Variants in SHROOM3 observed in about 807,000 individuals in gnomAD.
The protein encoded by SHROOM3 is protein Shroom3.
SHROOM3 carries 47 observed loss-of-function variants against 138.6 expected under a neutral mutation model. The observed-to-expected ratio is 0.34, with a 90% CI of 0.27 to 0.43. The LOEUF (loss-of-function observed/expected upper bound fraction) is 0.43, where lower values mean the gene tolerates loss of function less well. SHROOM3 is among the 20% of genes least tolerant of loss of function. The probability of loss-of-function intolerance (pLI) is 1.00; values close to 1 mark genes in which losing one functional copy is unlikely to be tolerated. For missense variants in SHROOM3, 2,491 were observed against 2,596.5 expected (o/e 0.96, Z 0.88); for synonymous variants, 1,062 against 1,063.3 (o/e 1.00, Z 0.02).
chr4:76,645,369 C>T lies in SHROOM3; in HGVS notation c.324-64787C>T, dbSNP rs544225427. On this transcript the variant is annotated intron_variant, in intron 2 of 10. Transcript: ENST00000296043. ...TCCCCAGAGGATGCCTCCTAGGACTCGAACCTCATTTAGTGTCTCTACTGC... is the reference window on the plus strand; with the variant it reads ...TCCCCAGAGGATGCCTCCTAGGACTTGAACCTCATTTAGTGTCTCTACTGC... 9.9e-5 allele frequency: 15 copies of T among 152,276 alleles called. No individual in the cohort carries two copies. In the East Asian group the frequency reaches 1.4e-3, roughly 14 times the overall value. 9.4% of individuals were successfully genotyped at this position (152,276 alleles called of 1,614,324 possible). A position where few individuals can be genotyped will look rare whatever the true frequency, so the allele number is the denominator to read the frequency against.
chr4:76,447,634 T>A (rs1471652005), intron 1 of SHROOM3, among the ~76,000 whole-genome samples: 5 of 152,218 alleles, frequency 3.3e-5, no homozygotes, highest in African/African-American at 1.2e-4. Flanking sequence ...CTTTTGCTTT[T>A]GTTTATTTTT....
intron 2 of SHROOM3, chr4:76,688,647 C>T: frequency 6.1e-6 from 6 of 985,426 alleles, no homozygotes; most frequent in Non-Finnish European, 7.2e-6. Context: ...AAAGATGAAA[C>T]TTAAACTAGC....
intron 1 of SHROOM3, among the ~76,000 whole-genome samples, chr4:76,535,069 A>G (rs918441503): frequency 6.6e-6 from 1 of 152,182 alleles, no homozygotes; most frequent in Non-Finnish European, 1.5e-5. Flanking sequence ...CTGAACACAC[A>G]TAGCACTTCC....
intron 1 of SHROOM3, among the ~76,000 whole-genome samples, chr4:76,517,361 T>C (rs1732464641): frequency 6.6e-6 from 1 of 152,034 alleles, no homozygotes. Context: ...GCTCACTTCC[T>C]CCCTATCCCA....
chr4:76,527,168 C>T (rs1281182760), intron 1 of SHROOM3, among the ~76,000 whole-genome samples: 1 of 152,022 alleles, frequency 6.6e-6, no homozygotes, highest in African/African-American at 2.4e-5. Context: ...AAGAGTGACA[C>T]CACAGGTTGG....
chr4:76,716,243 G>A (rs371548961), intron 3 of SHROOM3: 40 of 504,750 alleles, frequency 7.9e-5, no homozygotes, highest in African/African-American at 6.0e-4. Context: ...AGTTCAAGGC[G>A]ATTCAGGCCG....
intron 1 of SHROOM3, among the ~76,000 whole-genome samples, chr4:76,515,588 T>C (rs1324403343): frequency 6.6e-6 from 1 of 152,190 alleles, no homozygotes; most frequent in Non-Finnish European, 1.5e-5. Context: ...TTTCGAATTG[T>C]CCTTTGCCCT....
intron 2 of SHROOM3, among the ~76,000 whole-genome samples, chr4:76,647,254 G>C (rs1035377286): frequency 2.6e-5 from 4 of 152,184 alleles, no homozygotes; most frequent in Non-Finnish European, 5.9e-5. Context: ...GATATTAAAG[G>C]CTGGGAAGGG....
chr4:76,716,787 A>C (rs1232799778), intron 3 of SHROOM3, among the ~76,000 whole-genome samples: 1 of 152,164 alleles, frequency 6.6e-6, no homozygotes, highest in Non-Finnish European at 1.5e-5. Context: ...TTTCAGAGTA[A>C]CCATTGCTGT....
intron 1 of SHROOM3, among the ~76,000 whole-genome samples, chr4:76,464,518 G>A (rs1579171592): frequency 6.6e-6 from 1 of 152,118 alleles, no homozygotes; most frequent in South Asian, 2.1e-4. Context: ...AACTCGGGGG[G>A]ACTGTTGGGA....
chr4:76,475,467 A>C (rs1483356498), intron 1 of SHROOM3, among the ~76,000 whole-genome samples: 1 of 152,250 alleles, frequency 6.6e-6, no homozygotes, highest in Non-Finnish European at 1.5e-5. Flanking sequence ...CTTTTGGGTC[A>C]GAGATAAAGG....
chr4:76,654,780 T>C (rs975898333), intron 2 of SHROOM3, among the ~76,000 whole-genome samples: 3 of 152,206 alleles, frequency 2.0e-5, no homozygotes, highest in African/African-American at 7.2e-5. Context: ...TCATTGCCTA[T>C]CCTATAGGAA....
intron 2 of SHROOM3, among the ~76,000 whole-genome samples, chr4:76,680,097 T>A (rs1719145887): frequency 6.6e-6 from 1 of 152,060 alleles, no homozygotes; most frequent in Admixed American, 6.6e-5. Context: ...GAATCAGTTT[T>A]AAGCTGGTGA....
chr4:76,689,176 C>G (rs937766255), intron 2 of SHROOM3, among the ~76,000 whole-genome samples: 1 of 152,050 alleles, frequency 6.6e-6, no homozygotes, highest in East Asian at 1.9e-4. Context: ...GTGCTTCGGT[C>G]CGGTCCCCTT....
Position 76,730,819 on chromosome 4 carries a change from AG to A in SHROOM3, c.473del (p.Gly158AlafsTer20), listed in dbSNP as rs757531755. 1 of 1,614,052 alleles carries A rather than the reference AG, an allele frequency of 6.2e-7. No homozygotes were observed. The highest frequency in any genetic ancestry group is 8.5e-7 in the Non-Finnish European group (1 of 1,179,988). ...GTCTCCCCAGGCGCAGTGAGCCTGCAGGCCGACCTCACTCGTGGCACACAAC... is the reference window on the plus strand; with the variant it reads ...GTCTCCCCAGGCGCAGTGAGCCTGCAGCCGACCTCACTCGTGGCACACAAC... The part of the protein sequence containing the change: ...RLKHRRSEPA[G>X]RPHSWHTTKS... On this transcript the variant is annotated frameshift_variant, in exon 4 of 11. Transcript: ENST00000296043. LOFTEE classifies it high-confidence loss of function.
At chr4:76,437,779 C>T (rs191195219) in intron 1 of SHROOM3, among the ~76,000 whole-genome samples, 9 of 152,316 alleles carry the variant, frequency 5.9e-5, no homozygotes, top group African/African-American at 2.2e-4. Flanking sequence ...GGCATGGTTG[C>T]TGAATAACAG....
chr4:76,725,074 A>T (rs1720663778), intron 3 of SHROOM3, among the ~76,000 whole-genome samples: 1 of 152,194 alleles, frequency 6.6e-6, no homozygotes, highest in African/African-American at 2.4e-5. Context: ...CATCTAAAAG[A>T]AAAGTTGTTT....
chr4:76,765,351 C>CAAA (rs35934138), intron 9 of SHROOM3, among the ~76,000 whole-genome samples: 1 of 79,928 alleles, frequency 1.3e-5, no homozygotes. Context: ...CCCATCTCTA[C>CAAA]AAAAAAAAAA....
chr4:76,706,190 C>T (rs907276517), intron 2 of SHROOM3, among the ~76,000 whole-genome samples: 5 of 152,110 alleles, frequency 3.3e-5, no homozygotes, highest in African/African-American at 7.3e-5. Context: ...GCTCAGCTCA[C>T]TGCAACCTCT....
Sources: gnomAD v4.1 joint callset for allele counts (sites outside exome capture counted in the v4.1 genomes callset) on GRCh38, gnomAD v4.1.1 for gene constraint, MANE v1.5 for transcripts, NCBI Gene and HGNC (gene_info 2026-07-23, HGNC 2026-07-21) for gene names.